TMEM278: variants seen among roughly 807,000 people sequenced by gnomAD.
The protein encoded by TMEM278 is transmembrane protein 88B.
At chr1:1,427,611 G>A in the TMEM278 span, 2 of 1,311,462 alleles carry the variant, frequency 1.5e-6, no homozygotes, top group South Asian at 3.8e-5. Context: ...CGGCTCCGCG[G>A]CGCTCATCGT....
At chr1:1,426,356 G>A in the TMEM278 span, 8,531 of 1,436,216 alleles carry the variant, frequency 5.9e-3, 335 homozygotes, top group African/African-American at 0.099. Flanking sequence ...GGCCGCCGTC[G>A]TCTACCTGGG....
chr1:1,430,164 A>G, the TMEM278 span, among the ~76,000 whole-genome samples: 1 of 152,000 alleles, frequency 6.6e-6, no homozygotes, highest in African/African-American at 2.4e-5. Context: ...GGCCTTATTT[A>G]TTTTTGCTGT....
chr1:1,427,599 C>T, the TMEM278 span: 12 of 1,280,470 alleles, frequency 9.4e-6, no homozygotes, highest in Admixed American at 1.1e-4. Flanking sequence ...GTTCTCAGAC[C>T]GCGGCTCCGC....
At chr1:1,426,784 C>T in the TMEM278 span, among the ~76,000 whole-genome samples, 4 of 152,120 alleles carry the variant, frequency 2.6e-5, no homozygotes, top group Non-Finnish European at 4.4e-5. Context: ...TGGGGCTTCC[C>T]CACCTGCAGA....
the TMEM278 span, chr1:1,427,751 C>T: frequency 1.5e-6 from 2 of 1,314,568 alleles, no homozygotes; most frequent in South Asian, 1.9e-5. Flanking sequence ...CCCCGGGGCG[C>T]CCCGACGAGG....
At chr1:1,426,310 G>A in the TMEM278 span, 1 of 1,481,396 alleles carries the variant, frequency 6.8e-7, no homozygotes, top group Non-Finnish European at 9.0e-7. Flanking sequence ...ACCTCCTGCT[G>A]CCCGCCGCAG....
chr1:1,428,013 GGGAGA>G, the TMEM278 span, among the ~76,000 whole-genome samples: 1 of 82,326 alleles, frequency 1.2e-5, no homozygotes, highest in South Asian at 4.7e-4. Flanking sequence ...GGAGGGGAGG[GGGAGA>G]GAGGGGAGGG....
At chr1:1,426,182 G>C in the TMEM278 span, 1 of 1,417,888 alleles carries the variant, frequency 7.1e-7, no homozygotes, top group Non-Finnish European at 9.2e-7. Flanking sequence ...TGGTGCTTCC[G>C]ACACAGCGCC....
At chr1:1,428,271 C>G in the TMEM278 span, among the ~76,000 whole-genome samples, 7 of 151,774 alleles carry the variant, frequency 4.6e-5, no homozygotes, top group South Asian at 2.1e-4. Flanking sequence ...CAAGGCCTCC[C>G]GCGCCTGCCC....
chr1:1,429,113 G>A, the TMEM278 span, among the ~76,000 whole-genome samples: 1 of 152,074 alleles, frequency 6.6e-6, no homozygotes, highest in East Asian at 1.9e-4. Context: ...AGATTGCAGT[G>A]AGCCGAAATC....
At chr1:1,428,493 G>A in the TMEM278 span, among the ~76,000 whole-genome samples, 6 of 152,084 alleles carry the variant, frequency 3.9e-5, no homozygotes, top group South Asian at 2.1e-4. Context: ...TCTCACCAGC[G>A]CGTCCTAGCT....
the TMEM278 span, chr1:1,427,924 C>G: frequency 3.9e-6 from 3 of 762,382 alleles, no homozygotes; most frequent in Non-Finnish European, 3.5e-6. Flanking sequence ...CTTACGACCC[C>G]GGCCTCCCCC....
the TMEM278 span, among the ~76,000 whole-genome samples, chr1:1,428,986 C>T: frequency 3.4e-5 from 4 of 119,312 alleles, no homozygotes; most frequent in Non-Finnish European, 6.4e-5. Flanking sequence ...GGCGAAAGAG[C>T]GAGGCTCCGT....
At chr1:1,427,966 G>C in the TMEM278 span, among the ~76,000 whole-genome samples, 2 of 142,778 alleles carry the variant, frequency 1.4e-5, no homozygotes, top group Non-Finnish European at 3.1e-5. Context: ...ACGGAGGGCA[G>C]GGGAGGGGAA....
the TMEM278 span, among the ~76,000 whole-genome samples, chr1:1,426,642 C>A: frequency 6.6e-6 from 1 of 152,208 alleles, no homozygotes; most frequent in African/African-American, 2.4e-5. Flanking sequence ...AGGGCCTGGA[C>A]AGCTGGGTGG....
At chr1:1,428,749 C>T in the TMEM278 span, among the ~76,000 whole-genome samples, 3 of 152,120 alleles carry the variant, frequency 2.0e-5, no homozygotes, top group African/African-American at 7.2e-5. Flanking sequence ...GCCTGTAATC[C>T]CAGCACTTTG....
chr1:1,428,154 G>T, the TMEM278 span, among the ~76,000 whole-genome samples: 1 of 121,326 alleles, frequency 8.2e-6, no homozygotes. Flanking sequence ...CAAAGAGAGG[G>T]GAGGTGAGGG....
the TMEM278 span, chr1:1,426,440 G>GC: frequency 7.7e-7 from 1 of 1,303,776 alleles, no homozygotes; most frequent in Non-Finnish European, 9.8e-7. Flanking sequence ...GAGTGGGCGT[G>GC]CCCTGGGTCT....
the TMEM278 span, among the ~76,000 whole-genome samples, chr1:1,429,735 G>A: frequency 3.9e-5 from 6 of 152,194 alleles, no homozygotes; most frequent in Admixed American, 3.9e-4. Context: ...CCTGGTTTAA[G>A]CAGCCCCTAG....
Sources: gnomAD v4.1 joint callset for allele counts (sites outside exome capture counted in the v4.1 genomes callset) on GRCh38, gnomAD v4.1.1 for gene constraint, MANE v1.5 for transcripts, NCBI Gene and HGNC (gene_info 2026-07-23, HGNC 2026-07-21) for gene names.